Variants in GML observed in about 807,000 individuals in gnomAD.
GML encodes the protein glycosylphosphatidylinositol anchored molecule like.
In GML, 5 loss-of-function variants were observed where a neutral mutation model predicts 8.2. The ratio of observed to expected loss-of-function variants is 0.61; its 90% CI spans 0.32 to 1.28. GML has a LOEUF of 1.28. Ranked by LOEUF, GML falls within the 50% of genes most tolerant of loss-of-function variation. The probability of loss-of-function intolerance (pLI) is 0.06; values close to 1 mark genes in which losing one functional copy is unlikely to be tolerated. For missense variants in GML, 191 were observed against 198.3 expected (o/e 0.96, Z 0.22); for synonymous variants, 72 against 69.0 (o/e 1.04, Z -0.22).
intron 1 of GML, among the ~76,000 whole-genome samples, chr8:142,835,235 C>T (rs1200238709): frequency 6.6e-6 from 1 of 151,672 alleles, no homozygotes; most frequent in Non-Finnish European, 1.5e-5. Context: ...CCCAACTATG[C>T]TCAGGGGTCC....
intron 1 of GML, among the ~76,000 whole-genome samples, chr8:142,836,250 G>T (rs1816340733): frequency 6.6e-6 from 1 of 152,122 alleles, no homozygotes; most frequent in Non-Finnish European, 1.5e-5. Flanking sequence ...TTCACCTGTG[G>T]GGTCTGCCCT....
chr8:142,836,444 T>C (rs545415683), intron 1 of GML, among the ~76,000 whole-genome samples: 52 of 152,238 alleles, frequency 3.4e-4, no homozygotes, highest in Non-Finnish European at 7.1e-4. Context: ...AATTTTTTCA[T>C]CTTTAAAAAA....
intron 1 of GML, among the ~76,000 whole-genome samples, chr8:142,836,694 C>T (rs576312530): frequency 6.6e-6 from 1 of 152,274 alleles, no homozygotes; most frequent in Admixed American, 6.5e-5. Context: ...TGTGTGCCCT[C>T]TCCTCTCTCC....
chr8:142,839,835 A>G (rs886718526), intron 1 of GML, among the ~76,000 whole-genome samples: 3 of 152,150 alleles, frequency 2.0e-5, no homozygotes, highest in Non-Finnish European at 1.5e-5. Context: ...CTTGCCAGTA[A>G]TTAGCTGATG....
At chr8:142,837,299 C>CAAAA (rs61251350) in intron 1 of GML, among the ~76,000 whole-genome samples, 2 of 148,446 alleles carry the variant, frequency 1.3e-5, no homozygotes, top group African/African-American at 2.5e-5. Context: ...GACTCTGTTT[C>CAAAA]AAAAAAAGAA....
At chr8:142,842,886 C>T (rs1816453887) in intron 3 of GML, among the ~76,000 whole-genome samples, 1 of 152,234 alleles carries the variant, frequency 6.6e-6, no homozygotes, top group South Asian at 2.1e-4. Context: ...TAGCTCTGGA[C>T]TGTTGTTCCT....
intron 1 of GML, among the ~76,000 whole-genome samples, chr8:142,839,508 C>T (rs75991734): frequency 1.3e-5 from 2 of 152,038 alleles, no homozygotes; most frequent in African/African-American, 4.8e-5. Flanking sequence ...GGGAGCTACA[C>T]ATCAGGCTCT....
At chr8:142,839,667 G>A (rs1016935) in intron 1 of GML, among the ~76,000 whole-genome samples, 30,181 of 152,192 alleles carry the variant, frequency 0.2, 3,851 homozygotes, top group Non-Finnish European at 0.29. Flanking sequence ...CTGAAGGGGG[G>A]TAGGGGATGG....
chr8:142,842,961 C>T (rs1043883549), intron 3 of GML, among the ~76,000 whole-genome samples: 2 of 152,226 alleles, frequency 1.3e-5, no homozygotes, highest in Admixed American at 1.3e-4. Context: ...GCAGCTGCAA[C>T]ACTTTTATTT....
chr8:142,840,575 C>T, intron 2 of GML, 65 bp downstream of exon 2: 1 of 1,177,768 alleles, frequency 8.5e-7, no homozygotes, highest in Non-Finnish European at 1.3e-6. Flanking sequence ...CTGGGGGTCA[C>T]TGGGATGATT....
intron 3 of GML, among the ~76,000 whole-genome samples, chr8:142,845,139 AAC>A (rs1211801498): frequency 6.6e-6 from 1 of 152,252 alleles, no homozygotes; most frequent in African/African-American, 2.4e-5. Flanking sequence ...AAATTTCATA[AAC>A]ACAGATTAGA....
chr8:142,839,546 G>A (rs900509678), intron 1 of GML, among the ~76,000 whole-genome samples: 4 of 152,216 alleles, frequency 2.6e-5, no homozygotes, highest in Non-Finnish European at 5.9e-5. Flanking sequence ...GCCTTCGCGT[G>A]AGGGGAGTCA....
At chr8:142,836,503 AGTACTT>A (rs1816344009) in intron 1 of GML, among the ~76,000 whole-genome samples, 1 of 152,252 alleles carries the variant, frequency 6.6e-6, no homozygotes, top group African/African-American at 2.4e-5. Flanking sequence ...GAATTTTTAA[AGTACTT>A]GTATGCTAAT....
intron 2 of GML, 50 bp from the exon 3 acceptor site, chr8:142,841,068 G>A (rs1289580297): frequency 2.2e-6 from 2 of 904,058 alleles, no homozygotes; most frequent in Non-Finnish European, 3.8e-6. Flanking sequence ...GTAATGGGTG[G>A]AAAAGGCGTA....
intron 1 of GML, among the ~76,000 whole-genome samples, chr8:142,835,241 G>T (rs897405933): frequency 6.6e-6 from 1 of 151,000 alleles, no homozygotes; most frequent in Non-Finnish European, 1.5e-5. Context: ...TATGCTCAGG[G>T]GTCCCAGGGA....
In GML at chr8:142,840,526, T is replaced by A. The variant is rs1784274065; in HGVS notation, c.73+16T>A. 1 of 1,577,748 alleles carries A rather than the reference T, an allele frequency of 6.3e-7. No homozygotes were observed. The highest frequency in any genetic ancestry group is 1.7e-5 in the Admixed American group (1 of 59,962). On this transcript the variant is annotated intron_variant, in intron 2 of 3. Transcript: ENST00000220940. ...CGCGCTCAGTGTAAGTATCATTCCCTCTCACTGTCCTGGAGAGGACGAGAA... is the reference window on the plus strand; with the variant it reads ...CGCGCTCAGTGTAAGTATCATTCCCACTCACTGTCCTGGAGAGGACGAGAA...
At chr8:142,840,711 C>T (rs1022146607) in intron 2 of GML, among the ~76,000 whole-genome samples, 1 of 152,126 alleles carries the variant, frequency 6.6e-6, no homozygotes, top group Non-Finnish European at 1.5e-5. Flanking sequence ...GAGCAGCTGA[C>T]CAGGGACCAA....
Position 142,841,102 on chromosome 8 carries a change from C to T in GML, c.74-16C>T, listed in dbSNP as rs1422900052. On this transcript the variant is annotated splice_polypyrimidine_tract_variant and intron_variant, in intron 2 of 3. Transcript: ENST00000220940. ...TAGTGGAGCAGAAGCCTGAAGCCTG[C>T]TTTCTCCCCTCTCAGGGACTTACAG... 1 of 1,250,058 alleles carries T rather than the reference C, an allele frequency of 8.0e-7. No homozygotes were observed. The highest frequency in any genetic ancestry group is 1.7e-5 in the Admixed American group (1 of 59,574). 77.4% of individuals were successfully genotyped at this position (1,250,058 alleles called of 1,614,324 possible). A position where few individuals can be genotyped will look rare whatever the true frequency, so the allele number is the denominator to read the frequency against.
At chr8:142,839,141 C>G (rs4736341) in intron 1 of GML, among the ~76,000 whole-genome samples, 23,968 of 152,014 alleles carry the variant, frequency 0.16, 2,314 homozygotes, top group East Asian at 0.48. Context: ...AAAGCAGGCA[C>G]GACAGAGTGG....
Sources: allele counts gnomAD v4.1 joint callset (sites outside exome capture counted in the v4.1 genomes callset), GRCh38; gene constraint gnomAD v4.1.1; transcripts MANE v1.5; gene names NCBI Gene and HGNC (gene_info 2026-07-23, HGNC 2026-07-21).